The following SOX6 variants were observed in gnomAD, a reference collection of about 807,000 sequenced individuals.
The protein encoded by SOX6 is transcription factor SOX-6.
In SOX6, 11 loss-of-function variants were observed where a neutral mutation model predicts 97.8. The ratio of observed to expected loss-of-function variants is 0.11; its 90% CI spans 0.07 to 0.19. SOX6 has a LOEUF of 0.19. SOX6 is among the 10% of genes least tolerant of loss of function. The pLI is 1.00. For missense variants in SOX6, 810 were observed against 1,039.5 expected, an observed-to-expected ratio of 0.78 and a Z score of 3.04; for synonymous variants, 360 against 371.4, an observed-to-expected ratio of 0.97 and a Z score of 0.35.
At chr11:16,622,218 C>T (rs1243037179) in intron 3 of SOX6, among the ~76,000 whole-genome samples, 3 of 152,200 alleles carry the variant, frequency 2.0e-5, no homozygotes, top group Non-Finnish European at 4.4e-5. Context: ...TTTAGCTCCA[C>T]ATTTCTAATA....
chr11:16,161,665 C>T (rs1044273201), intron 6 of SOX6, among the ~76,000 whole-genome samples: 4 of 152,160 alleles, frequency 2.6e-5, no homozygotes, highest in South Asian at 4.1e-4. Context: ...ATAGTCAAGT[C>T]GGATCTCTAC....
chr11:16,542,534 T>C (rs984596235), intron 4 of SOX6, among the ~76,000 whole-genome samples: 9 of 152,144 alleles, frequency 5.9e-5, no homozygotes, highest in South Asian at 4.1e-4. Flanking sequence ...TTGTTTGAAC[T>C]ATTAAGTTAA....
intron 3 of SOX6, 115 bp from the exon 4 acceptor site, chr11:16,234,786 T>C (rs557315334): frequency 1.8e-6 from 1 of 568,810 alleles, no homozygotes; most frequent in South Asian, 2.4e-5. Flanking sequence ...TTGCTGTAGC[T>C]TGAACCCCAG....
intron 4 of SOX6, among the ~76,000 whole-genome samples, chr11:16,208,579 T>G (rs1852134316): frequency 6.6e-6 from 1 of 152,242 alleles, no homozygotes; most frequent in Admixed American, 6.5e-5. Context: ...ATTTGAATTT[T>G]TAACAGGTAT....
At chr11:16,552,843 TA>T (rs1847704426) in intron 4 of SOX6, among the ~76,000 whole-genome samples, 1 of 152,130 alleles carries the variant, frequency 6.6e-6, no homozygotes, top group African/African-American at 2.4e-5. Context: ...TACTCATAAG[TA>T]AGTTTGATTT....
Position 16,721,603 on chromosome 11 carries a change from C to T in SOX6, n.354-6698G>A, listed in dbSNP as rs868570913. On this transcript the variant is annotated intron_variant and non_coding_transcript_variant, in intron 2 of 5. Coordinates refer to the SOX6 transcript ENST00000524520. Reference sequence around the variant, plus strand: ...CCCTCTCTCTCTCTCTCTCTCTTCCCTCCCTCCCTCCCTCCCTCTCTCTCT... The same window carrying T: ...CCCTCTCTCTCTCTCTCTCTCTTCCTTCCCTCCCTCCCTCCCTCTCTCTCT... Among the ~76,000 whole-genome samples the T allele has an allele frequency of 2.9e-4, 12 of 41,418 alleles. No individual in the cohort carries two copies. In the East Asian group the frequency reaches 4.5e-3, roughly 16 times the overall value. The allele number at this position is 41,418 out of a possible 152,430, so 27.2% of individuals were successfully genotyped here.
chr11:16,479,753 CTAT>C (rs1860311468), upstream of SOX6, among the ~76,000 whole-genome samples: 1 of 152,066 alleles, frequency 6.6e-6, no homozygotes, highest in South Asian at 2.1e-4. Context: ...CTTTCATATA[CTAT>C]TGATGGGATT....
chr11:15,977,488 C>T (rs576297176), intron 15 of SOX6, among the ~76,000 whole-genome samples: 3 of 152,090 alleles, frequency 2.0e-5, no homozygotes, highest in Admixed American at 6.6e-5. Flanking sequence ...CTTCAACCCA[C>T]CTTCACTGCC....
intron 4 of SOX6, among the ~76,000 whole-genome samples, chr11:16,500,434 C>T (rs1860684576): frequency 6.6e-6 from 1 of 152,126 alleles, no homozygotes; most frequent in Non-Finnish European, 1.5e-5. Context: ...CACTCCTATT[C>T]AACGTAGTGT....
At chr11:16,473,865 G>A (rs1860188222) in intron 1 of SOX6, among the ~76,000 whole-genome samples, 1 of 152,084 alleles carries the variant, frequency 6.6e-6, no homozygotes, top group Admixed American at 6.5e-5. Context: ...ATATTTTTCT[G>A]TTACATACAA....
chr11:16,214,526 C>G (rs34185930), intron 4 of SOX6, among the ~76,000 whole-genome samples: 15,897 of 152,114 alleles, frequency 0.1, 906 homozygotes, highest in South Asian at 0.17. Context: ...TCTTGGACCT[C>G]TCTGATCCCT....
chr11:16,636,196 G>A (rs1242029827), intron 3 of SOX6, among the ~76,000 whole-genome samples: 2 of 152,200 alleles, frequency 1.3e-5, no homozygotes, highest in African/African-American at 4.8e-5. Flanking sequence ...TGGGAGGGGG[G>A]CTGTGCCCTG....
intron 2 of SOX6, among the ~76,000 whole-genome samples, chr11:16,729,036 GA>G (rs1033793093): frequency 2.1e-4 from 32 of 152,102 alleles, no homozygotes; most frequent in African/African-American, 7.2e-4. Flanking sequence ...AGAGAAATAA[GA>G]ATGAAAAGAA....
chr11:16,059,518 A>T (rs1847895903), intron 9 of SOX6, among the ~76,000 whole-genome samples: 1 of 152,066 alleles, frequency 6.6e-6, no homozygotes, highest in Non-Finnish European at 1.5e-5. Context: ...AAAAAATTAC[A>T]GTAATCAAAA....
At chr11:16,477,205 A>C (rs1485545778), upstream of SOX6, among the ~76,000 whole-genome samples, 3 of 152,238 alleles carry the variant, frequency 2.0e-5, no homozygotes, top group Non-Finnish European at 4.4e-5. Context: ...TCAACTAAAA[A>C]TAATAATAGA....
chr11:16,369,887 C>T (rs1190905690), intron 1 of SOX6, among the ~76,000 whole-genome samples: 1 of 152,130 alleles, frequency 6.6e-6, no homozygotes, highest in African/African-American at 2.4e-5. Context: ...GAAGAGACAA[C>T]GGACTTCCTT....
At chr11:16,237,496 T>G (rs971622337) in intron 3 of SOX6, among the ~76,000 whole-genome samples, 1 of 152,060 alleles carries the variant, frequency 6.6e-6, no homozygotes. Flanking sequence ...TCAACTACAT[T>G]AATGGGACAT....
At chr11:16,470,009 A>T (rs1463182879) in intron 1 of SOX6, among the ~76,000 whole-genome samples, 5 of 152,128 alleles carry the variant, frequency 3.3e-5, no homozygotes, top group Non-Finnish European at 5.9e-5. Context: ...AGATTAGCAA[A>T]CTCCTTTCAA....
chr11:16,623,724 G>T (rs1263218829), intron 3 of SOX6, among the ~76,000 whole-genome samples: 1 of 152,070 alleles, frequency 6.6e-6, no homozygotes, highest in East Asian at 1.9e-4. Context: ...GATCCATCTT[G>T]AGTTGATTTT....
Sources: allele counts gnomAD v4.1 joint callset (sites outside exome capture counted in the v4.1 genomes callset), GRCh38; gene constraint gnomAD v4.1.1; transcripts MANE v1.5; gene names NCBI Gene and HGNC (gene_info 2026-07-23, HGNC 2026-07-21).